The following PLCB1 variants were observed in gnomAD, a reference collection of about 807,000 sequenced individuals.
PLCB1 encodes the protein 1-phosphatidylinositol 4,5-bisphosphate phosphodiesterase beta-1.
In PLCB1, 46 loss-of-function variants were observed where a neutral mutation model predicts 161.8. The observed-to-expected ratio is 0.28, with a 90% CI of 0.22 to 0.36. The LOEUF is 0.36. Ranked by LOEUF, PLCB1 falls within the 10% of genes least tolerant of loss-of-function variation. PLCB1 has a pLI of 1.00. For missense variants in PLCB1, 1,016 were observed against 1,472.5 expected, an observed-to-expected ratio of 0.69 and a Z score of 5.07; for synonymous variants, 517 against 503.7, an observed-to-expected ratio of 1.03 and a Z score of -0.35.
chr20:8,717,276 C>A (rs942433242), intron 13 of PLCB1, among the ~76,000 whole-genome samples: 2 of 152,122 alleles, frequency 1.3e-5, no homozygotes, highest in African/African-American at 4.8e-5. Context: ...AGCTTCTGCC[C>A]GTCTTTACCA....
At chr20:8,520,951 G>A (rs970319561) in intron 3 of PLCB1, among the ~76,000 whole-genome samples, 1 of 151,948 alleles carries the variant, frequency 6.6e-6, no homozygotes, top group African/African-American at 2.4e-5. Context: ...CCCTAGGCAG[G>A]GACTATGTTG....
chr20:8,342,566 C>T (rs1231888471), intron 2 of PLCB1, among the ~76,000 whole-genome samples: 1 of 152,118 alleles, frequency 6.6e-6, no homozygotes, highest in Non-Finnish European at 1.5e-5. Context: ...TTACATGAAT[C>T]CAGAGCATAC....
At chr20:8,700,153 G>T (rs1418979614) in intron 11 of PLCB1, among the ~76,000 whole-genome samples, 2 of 152,170 alleles carry the variant, frequency 1.3e-5, no homozygotes, top group Non-Finnish European at 2.9e-5. Context: ...GATGCTCCTG[G>T]AATGGCAGAC....
chr20:8,192,389 T>A lies in PLCB1; in HGVS notation c.177+42018T>A, dbSNP rs578156532. Reference sequence around the variant, plus strand: ...AGACTGCTAAAAGGTGGGACTAAGATGAACACTAAAGAACAACATAAAGGA... The same window carrying A: ...AGACTGCTAAAAGGTGGGACTAAGAAGAACACTAAAGAACAACATAAAGGA... On this transcript the variant is annotated intron_variant, in intron 2 of 31. Transcript: ENST00000338037. 2.6e-5 allele frequency among the ~76,000 whole-genome samples: 4 copies of A among 152,056 alleles called. No individual in the cohort carries two copies. In the South Asian group the frequency reaches 8.3e-4, roughly 32 times the overall value.
rs141248185 is a variant in PLCB1, at chr20:8,674,088, G to A, written c.863-10844G>A. On this transcript the variant is annotated intron_variant, in intron 9 of 31. Coordinates refer to ENST00000338037, the MANE Select transcript of PLCB1 (RefSeq NM_015192.4). ...GGGATCACCTTCAAGTACATGTTTT[G>A]TCTCATTTCCTTCAAGGGAAACACA... 5.3e-5 allele frequency among the ~76,000 whole-genome samples: 8 copies of A among 152,244 alleles called. No homozygotes were observed. The East Asian group carries it at 1.5e-3, about 29-fold the overall frequency.
At chr20:8,756,799 G>T (rs1209394662) in intron 23 of PLCB1, among the ~76,000 whole-genome samples, 1 of 152,180 alleles carries the variant, frequency 6.6e-6, no homozygotes, top group African/African-American at 2.4e-5. Context: ...AGTCAGTGTG[G>T]AAGGGCACCA....
intron 3 of PLCB1, among the ~76,000 whole-genome samples, chr20:8,541,517 T>C (rs1985313971): frequency 1.4e-5 from 2 of 139,896 alleles, no homozygotes; most frequent in Non-Finnish European, 3.1e-5. Context: ...ATGACTGTGA[T>C]GATTGAATAA....
At chr20:8,681,009 AACACAT>A (rs1177475332) in intron 9 of PLCB1, among the ~76,000 whole-genome samples, 8 of 148,332 alleles carry the variant, frequency 5.4e-5, no homozygotes, top group South Asian at 2.1e-4. Flanking sequence ...CATACATACA[AACACAT>A]ACACATACAA....
intron 31 of PLCB1, among the ~76,000 whole-genome samples, chr20:8,812,916 G>A (rs537188582): frequency 3.3e-5 from 5 of 152,322 alleles, no homozygotes; most frequent in South Asian, 4.1e-4. Context: ...TGGCTCCTAC[G>A]CCCTCTGGGA....
chr20:8,603,115 A>G (rs1987644035), intron 3 of PLCB1, among the ~76,000 whole-genome samples: 2 of 152,230 alleles, frequency 1.3e-5, no homozygotes, highest in African/African-American at 2.4e-5. Context: ...AACAGGACAA[A>G]TGCTCTAGCA....
At chr20:8,671,358 TG>T (rs954410703) in intron 9 of PLCB1, among the ~76,000 whole-genome samples, 97 of 152,248 alleles carry the variant, frequency 6.4e-4, no homozygotes, top group African/African-American at 2.3e-3. Flanking sequence ...GCATTTCTCT[TG>T]TCCTCATGTT....
chr20:8,872,639 T>C (rs1987645926), intron 31 of PLCB1, among the ~76,000 whole-genome samples: 1 of 152,190 alleles, frequency 6.6e-6, no homozygotes, highest in Admixed American at 6.5e-5. Context: ...TTATTGGGAC[T>C]GGGTACTCAA....
At chr20:8,369,377 G>A (rs563415056) in intron 2 of PLCB1, among the ~76,000 whole-genome samples, 17 of 152,252 alleles carry the variant, frequency 1.1e-4, no homozygotes, top group African/African-American at 3.9e-4. Flanking sequence ...ACTTCTTCAA[G>A]CTTGATTCCC....
intron 2 of PLCB1, among the ~76,000 whole-genome samples, chr20:8,216,593 C>T (rs1320068138): frequency 2.0e-5 from 3 of 152,012 alleles, no homozygotes; most frequent in African/African-American, 7.2e-5. Flanking sequence ...GAAATAGAAA[C>T]CTGATCGTGA....
intron 3 of PLCB1, among the ~76,000 whole-genome samples, chr20:8,389,684 C>G: frequency 6.6e-6 from 1 of 152,164 alleles, no homozygotes; most frequent in East Asian, 1.9e-4. Flanking sequence ...ATCTTGTGGA[C>G]ATATCCGATA....
chr20:8,210,476 A>G (rs1211516628), intron 2 of PLCB1, among the ~76,000 whole-genome samples: 1 of 152,106 alleles, frequency 6.6e-6, no homozygotes, highest in Non-Finnish European at 1.5e-5. Context: ...AAACAACCTG[A>G]CTTGTAGGAG....
At chr20:8,657,346 G>T in intron 8 of PLCB1, 62 bp downstream of exon 8, 1 of 951,366 alleles carries the variant, frequency 1.1e-6, no homozygotes, top group Admixed American at 1.7e-5. Context: ...GGTGGCTAGA[G>T]CAGGACTTGG....
At chr20:8,261,063 G>A (rs955132397) in intron 2 of PLCB1, among the ~76,000 whole-genome samples, 2 of 152,074 alleles carry the variant, frequency 1.3e-5, no homozygotes, top group African/African-American at 4.8e-5. Context: ...GATCGGGTGG[G>A]GACTAAATTT....
At chr20:8,851,166 T>G (rs1986872323) in intron 31 of PLCB1, among the ~76,000 whole-genome samples, 2 of 152,234 alleles carry the variant, frequency 1.3e-5, no homozygotes, top group Non-Finnish European at 2.9e-5. Context: ...TAGCTGGATC[T>G]GAGGAGTGGA....
Sources: gnomAD v4.1 joint callset for allele counts (sites outside exome capture counted in the v4.1 genomes callset) on GRCh38, gnomAD v4.1.1 for gene constraint, MANE v1.5 for transcripts, NCBI Gene and HGNC (gene_info 2026-07-23, HGNC 2026-07-21) for gene names.